The following NCK1 variants were observed in gnomAD, a reference collection of about 807,000 sequenced individuals.
NCK1 encodes NCK adaptor protein 1, also known as SH2/SH3 adapter protein NCK1.
In NCK1, 19 loss-of-function variants were observed where a neutral mutation model predicts 36.6. That is an observed-to-expected ratio of 0.52 (90% CI 0.36 to 0.76). The LOEUF is 0.76. Ranked by LOEUF, NCK1 falls within the 30% of genes least tolerant of loss-of-function variation. The pLI, the probability that NCK1 is intolerant of heterozygous loss-of-function variation, is 0.00. For missense variants in NCK1, 358 were observed against 445.6 expected, an observed-to-expected ratio of 0.80 and a Z score of 1.77; for synonymous variants, 165 against 156.0, an observed-to-expected ratio of 1.06 and a Z score of -0.43.
chr3:136,932,355 G>GCTA (rs1296664569), intron 2 of NCK1, among the ~76,000 whole-genome samples: 1 of 152,104 alleles, frequency 6.6e-6, no homozygotes, highest in Non-Finnish European at 1.5e-5. Flanking sequence ...GTAGAGACAG[G>GCTA]CTATTCATCT....
At position 136,877,637 on chromosome 3, in the gene NCK1, A is replaced by T. The variant is rs996942282; in HGVS notation, c.-19+15284A>T. ...TGACAGTAAAGGATACTTTTAGAAG[A>T]TTTGAACTACACAGGTAAAGAGAAT... is the stretch of plus-strand genomic sequence containing the variant. On this transcript the variant is annotated intron_variant, in intron 1 of 3. Coordinates refer to ENST00000481752, the MANE Select transcript of NCK1 (RefSeq NM_001291999.2). 1.1e-4 allele frequency among the ~76,000 whole-genome samples: 17 copies of T among 152,184 alleles called. 1 individual carries two copies. Among genetic ancestry groups the T allele is most frequent in the South Asian group, 2.1e-4 (1 of 4,828 alleles).
At chr3:136,862,566 C>T (rs1938256559) in intron 1 of NCK1, among the ~76,000 whole-genome samples, 1 of 152,250 alleles carries the variant, frequency 6.6e-6, no homozygotes, top group South Asian at 2.1e-4. Flanking sequence ...GACCCTCGGG[C>T]CGTTGCCCCA....
intron 1 of NCK1, among the ~76,000 whole-genome samples, chr3:136,901,857 GTTTCATTTAGTTCTGCTC>G (rs1939549341): frequency 6.6e-6 from 1 of 151,908 alleles, no homozygotes. Flanking sequence ...TAAAAAAGTC[GTTTCATTTAGTTCTGCTC>G]TGATCTTTAT....
rs1025471939 is a variant in NCK1, at chr3:136,900,541, A to T, written c.-18-27443A>T. Among the ~76,000 whole-genome samples the T allele has an allele frequency of 4.6e-5, 7 of 152,020 alleles. No homozygotes were observed. In the East Asian group the frequency reaches 1.3e-3, roughly 29 times the overall value. ...CAGTATGGTCATTTTAATGATGTTAATTCTTATTCTTGAGCATGGGATGTC... is the reference window on the plus strand; with the variant it reads ...CAGTATGGTCATTTTAATGATGTTATTTCTTATTCTTGAGCATGGGATGTC... On this transcript the variant is annotated intron_variant, in intron 1 of 3. Transcript: ENST00000481752.
intron 1 of NCK1, among the ~76,000 whole-genome samples, chr3:136,895,757 G>A (rs570226929): frequency 3.3e-5 from 5 of 151,984 alleles, no homozygotes; most frequent in Non-Finnish European, 7.4e-5. Flanking sequence ...TAGAGACAGG[G>A]TTTTGCTATG....
At chr3:136,887,036 G>T (rs1352376907) in intron 1 of NCK1, among the ~76,000 whole-genome samples, 1 of 152,004 alleles carries the variant, frequency 6.6e-6, no homozygotes, top group East Asian at 1.9e-4. Flanking sequence ...TAGAGACGGG[G>T]TTTCATTATG....
intron 2 of NCK1, chr3:136,928,706 T>A (rs1940312179): frequency 6.5e-6 from 1 of 153,590 alleles, no homozygotes; most frequent in Non-Finnish European, 1.4e-5. Context: ...CTCTTTTCTA[T>A]TTTGTTTCTC....
At position 136,945,611 on chromosome 3, in the gene NCK1, T is replaced by C. The variant is rs183326283; in HGVS notation, c.255T>C (p.Ser85=). The change falls in exon 3 of 4, where the codon AGT becomes AGC. Residue 85 remains serine (S), a synonymous_variant. Coordinates refer to ENST00000481752, the MANE Select transcript of NCK1 (RefSeq NM_001291999.2). ...LGIGKVKRKP[S]VPDSASPADD... is the part of the protein sequence containing the mutation. ...TTGGAAAAGTGAAAAGAAAACCTAG[T>C]GTGCCAGATTCTGCATCTCCTGCTG... The C allele has an allele frequency of 2.5e-4, 401 of 1,609,494 alleles. 5 individuals are homozygous for C. In the East Asian group the frequency reaches 6.7e-3, roughly 27 times the overall value.
chr3:136,907,926 C>T (rs1350181605), intron 1 of NCK1, among the ~76,000 whole-genome samples: 1 of 152,148 alleles, frequency 6.6e-6, no homozygotes, highest in Non-Finnish European at 1.5e-5. Flanking sequence ...ACCTAATAAG[C>T]TAGGAACCGG....
At chr3:136,921,762 C>T (rs1306900813) in intron 1 of NCK1, among the ~76,000 whole-genome samples, 1 of 152,048 alleles carries the variant, frequency 6.6e-6, no homozygotes, top group Non-Finnish European at 1.5e-5. Context: ...AAGGGAAAGA[C>T]ACTGCTAAGG....
intron 1 of NCK1, among the ~76,000 whole-genome samples, chr3:136,906,033 C>T (rs1031486833): frequency 2.0e-5 from 3 of 152,174 alleles, no homozygotes; most frequent in Admixed American, 6.5e-5. Context: ...GTATCTGTGC[C>T]TCTGGTGTAA....
chr3:136,869,802 T>G (rs1486024695), intron 1 of NCK1, among the ~76,000 whole-genome samples: 1 of 152,068 alleles, frequency 6.6e-6, no homozygotes, highest in Non-Finnish European at 1.5e-5. Flanking sequence ...TTTCATTTAT[T>G]TTTTGGTTGT....
intron 1 of NCK1, among the ~76,000 whole-genome samples, chr3:136,875,979 A>G (rs1165221974): frequency 1.2e-4 from 19 of 152,176 alleles, no homozygotes; most frequent in Non-Finnish European, 2.9e-5. Context: ...CAATCAAACT[A>G]GAACTCAGGA....
rs539401998 is a variant in NCK1, at chr3:136,948,532, G to T, written c.*79G>T. ...GACTGAGAAAATGTTGGGTCCAGTC[G>T]TGCTTGATTGGAAATTGTTGTTTCT... On this transcript the variant is annotated 3_prime_UTR_variant, in exon 4 of 4. Coordinates refer to ENST00000481752, the MANE Select transcript of NCK1 (RefSeq NM_001291999.2). 1.6e-6 allele frequency: 2 copies of T among 1,232,046 alleles called. No homozygotes were observed. Among genetic ancestry groups the T allele is most frequent in the Non-Finnish European group, 2.3e-6 (2 of 875,960 alleles). The allele number at this position is 1,232,046 out of a possible 1,614,324, so 76.3% of individuals were successfully genotyped here. A position where few individuals can be genotyped will look rare whatever the true frequency, so the allele number is the denominator to read the frequency against.
chr3:136,943,190 G>C (rs747092057), intron 2 of NCK1, among the ~76,000 whole-genome samples: 1 of 151,906 alleles, frequency 6.6e-6, no homozygotes, highest in Non-Finnish European at 1.5e-5. Context: ...GAGTCTGACA[G>C]TATTTACCAG....
chr3:136,871,352 C>T (rs895841505), intron 1 of NCK1, among the ~76,000 whole-genome samples: 1 of 151,924 alleles, frequency 6.6e-6, no homozygotes, highest in Non-Finnish European at 1.5e-5. Flanking sequence ...GAGCTATGAT[C>T]GCGCCACTGT....
intron 1 of NCK1, among the ~76,000 whole-genome samples, chr3:136,920,917 TGTG>T (rs1167690210): frequency 3.9e-5 from 6 of 152,212 alleles, no homozygotes; most frequent in African/African-American, 9.6e-5. Flanking sequence ...TCTAAAAAAT[TGTG>T]GTAAAAACAA....
intron 3 of NCK1, among the ~76,000 whole-genome samples, chr3:136,947,346 TAAAAAG>T (rs938348256): frequency 3.9e-5 from 6 of 152,128 alleles, no homozygotes; most frequent in Non-Finnish European, 1.5e-5. Flanking sequence ...CAAAACTAAT[TAAAAAG>T]AAGATAGCTT....
intron 1 of NCK1, among the ~76,000 whole-genome samples, chr3:136,870,846 G>A (rs1372233223): frequency 6.6e-6 from 1 of 152,094 alleles, no homozygotes; most frequent in African/African-American, 2.4e-5. Flanking sequence ...CCTCAGGGCA[G>A]ATGGCTCCTT....
Sources: allele counts gnomAD v4.1 joint callset (sites outside exome capture counted in the v4.1 genomes callset), GRCh38; gene constraint gnomAD v4.1.1; transcripts MANE v1.5; gene names NCBI Gene and HGNC (gene_info 2026-07-23, HGNC 2026-07-21).